Variants in THRB observed in about 807,000 individuals in gnomAD.
The protein encoded by THRB is nuclear receptor subfamily 1 group A member 2.
Under a neutral mutation model 47.8 loss-of-function variants are expected in THRB, and 12 were observed. The observed-to-expected ratio is 0.25, with a 90% CI of 0.16 to 0.41. The LOEUF is 0.41. THRB is among the 10% of genes least tolerant of loss of function. The pLI, the probability that THRB is intolerant of heterozygous loss-of-function variation, is 1.00. For synonymous variants in THRB, 218 were observed against 212.2 expected (o/e 1.03, Z -0.24); for missense variants, 348 against 589.2 (o/e 0.59, Z 4.24).
chr3:24,254,085 C>T (rs578211559), intron 3 of THRB, among the ~76,000 whole-genome samples: 32 of 150,690 alleles, frequency 2.1e-4, no homozygotes, highest in Non-Finnish European at 4.0e-4. Context: ...ATTTACCGGC[C>T]GGGCGTGGTG....
chr3:24,167,599 A>G (rs1309880294), intron 5 of THRB, among the ~76,000 whole-genome samples: 1 of 152,190 alleles, frequency 6.6e-6, no homozygotes, highest in Non-Finnish European at 1.5e-5. Flanking sequence ...CTGAAAATTA[A>G]CCTTTCAATA....
intron 1 of THRB, among the ~76,000 whole-genome samples, chr3:24,393,021 T>G (rs1052503335): frequency 2.6e-5 from 4 of 152,176 alleles, no homozygotes; most frequent in African/African-American, 9.6e-5. Flanking sequence ...AGTTTTCAAA[T>G]GTGTTGTTCC....
chr3:24,204,220 G>A (rs952771939), intron 4 of THRB, among the ~76,000 whole-genome samples: 2 of 152,230 alleles, frequency 1.3e-5, no homozygotes, highest in African/African-American at 2.4e-5. Context: ...GTGGGTCCCC[G>A]ACCCCTGAGT....
At chr3:24,198,771 A>G (rs908523266) in intron 4 of THRB, among the ~76,000 whole-genome samples, 2 of 152,116 alleles carry the variant, frequency 1.3e-5, no homozygotes, top group African/African-American at 4.8e-5. Flanking sequence ...AGCTCTTGAG[A>G]CTGTGAACAG....
intron 3 of THRB, among the ~76,000 whole-genome samples, chr3:24,291,718 T>C (rs1226409837): frequency 5.9e-5 from 9 of 152,208 alleles, no homozygotes; most frequent in Non-Finnish European, 1.3e-4. Flanking sequence ...GCAGAATCCA[T>C]GGATATGGAG....
At chr3:24,264,896 G>T (rs1025836691) in intron 3 of THRB, among the ~76,000 whole-genome samples, 1 of 152,162 alleles carries the variant, frequency 6.6e-6, no homozygotes, top group African/African-American at 2.4e-5. Flanking sequence ...ACCGTAGGTG[G>T]GTGGAAGGGA....
intron 5 of THRB, among the ~76,000 whole-genome samples, chr3:24,171,486 C>G (rs577641302): frequency 2.0e-5 from 3 of 152,146 alleles, no homozygotes; most frequent in Non-Finnish European, 4.4e-5. Flanking sequence ...AACTTCTGAG[C>G]TATGCATTCC....
intron 1 of THRB, among the ~76,000 whole-genome samples, chr3:24,389,686 C>T (rs1458649915): frequency 1.3e-5 from 2 of 151,752 alleles, no homozygotes; most frequent in Non-Finnish European, 3.0e-5. Context: ...ATCTCAATTC[C>T]CCCCCTTTTT....
In THRB at chr3:24,164,212, T is replaced by C. The variant is rs549940380; in HGVS notation, c.284-11722A>G. ...TTGCCTCCCTTATTTTATTTTTCAG[T>C]ATCTTATTTTTCAGTAATACAAGAA... On this transcript the variant is annotated intron_variant, in intron 5 of 10. Coordinates refer to ENST00000646209, the MANE Select transcript of THRB (RefSeq NM_001354712.2). Among the ~76,000 whole-genome samples the C allele has an allele frequency of 9.8e-5, 15 of 152,290 alleles. No homozygotes were observed. In the South Asian group the frequency reaches 3.1e-3, roughly 32 times the overall value.
intron 1 of THRB, among the ~76,000 whole-genome samples, chr3:24,393,360 C>T (rs6769978): frequency 0.67 from 101,759 of 151,994 alleles, 34,297 homozygotes; most frequent in African/African-American, 0.7. Context: ...TTTACACACT[C>T]GTCTTGCTCA....
Position 24,448,981 on chromosome 3 carries a change from C to T in THRB, c.-261+45671G>A, listed in dbSNP as rs1280192371. Among the ~76,000 whole-genome samples the T allele has an allele frequency of 2.6e-5, 4 of 152,056 alleles. No individual in the cohort carries two copies. In the East Asian group the frequency reaches 7.7e-4, roughly 29 times the overall value. Reference sequence around the variant, plus strand: ...AAAACAGCCAAAATAAGGTCAAGGACAGATGTAAGACAGAAGGAAGTCAAA... The same window carrying T: ...AAAACAGCCAAAATAAGGTCAAGGATAGATGTAAGACAGAAGGAAGTCAAA... On this transcript the variant is annotated intron_variant, in intron 1 of 10. Coordinates refer to ENST00000646209, the MANE Select transcript of THRB (RefSeq NM_001354712.2).
Position 24,208,622 on chromosome 3 carries a change from G to A in THRB, c.23-18288C>T, listed in dbSNP as rs2045666809. 3.9e-5 allele frequency among the ~76,000 whole-genome samples: 6 copies of A among 152,284 alleles called. No individual in the cohort carries two copies. The East Asian group carries it at 1.2e-3, about 29-fold the overall frequency. On this transcript the variant is annotated intron_variant, in intron 4 of 10. Transcript: ENST00000646209. ...GAAAGGATTCCCTATTTAATAAATG[G>A]TGCTGGGAAAACTGGGTAGCCATAT...
At chr3:24,335,963 C>A (rs557938199) in intron 2 of THRB, among the ~76,000 whole-genome samples, 13 of 152,224 alleles carry the variant, frequency 8.5e-5, no homozygotes, top group African/African-American at 2.9e-4. Context: ...GTTGCAGGAG[C>A]CTTCTCATCT....
chr3:24,489,210 C>T (rs528427496), intron 1 of THRB, among the ~76,000 whole-genome samples: 31 of 151,902 alleles, frequency 2.0e-4, no homozygotes, highest in African/African-American at 7.2e-4. Flanking sequence ...CCACTGTACT[C>T]CAGCCTGGCA....
At chr3:24,308,923 C>T (rs2057548251) in intron 2 of THRB, among the ~76,000 whole-genome samples, 1 of 152,112 alleles carries the variant, frequency 6.6e-6, no homozygotes, top group Non-Finnish European at 1.5e-5. Flanking sequence ...AAGAAGTAAA[C>T]TGTTTATTTT....
intron 4 of THRB, among the ~76,000 whole-genome samples, chr3:24,192,187 T>C (rs1267558978): frequency 6.6e-6 from 1 of 152,180 alleles, no homozygotes; most frequent in Admixed American, 6.5e-5. Flanking sequence ...CAGATTGAGA[T>C]CTTGAAAGAT....
intron 3 of THRB, among the ~76,000 whole-genome samples, chr3:24,238,882 A>G (rs902526399): frequency 6.6e-6 from 1 of 151,980 alleles, no homozygotes; most frequent in Non-Finnish European, 1.5e-5. Flanking sequence ...ATGGGGCTAC[A>G]TTGCAAAGCT....
At chr3:24,398,778 C>G (rs1433558369) in intron 1 of THRB, among the ~76,000 whole-genome samples, 1 of 152,086 alleles carries the variant, frequency 6.6e-6, no homozygotes, top group Non-Finnish European at 1.5e-5. Flanking sequence ...CACATGCACA[C>G]GTAAGTTTAT....
intron 2 of THRB, among the ~76,000 whole-genome samples, chr3:24,298,764 T>C (rs76437950): frequency 6.6e-6 from 1 of 152,308 alleles, no homozygotes; most frequent in African/African-American, 2.4e-5. Flanking sequence ...CCTCCATTGC[T>C]GCATGCACAC....
Sources: gnomAD v4.1 joint callset for allele counts (sites outside exome capture counted in the v4.1 genomes callset) on GRCh38, gnomAD v4.1.1 for gene constraint, MANE v1.5 for transcripts, NCBI Gene and HGNC (gene_info 2026-07-23, HGNC 2026-07-21) for gene names.